B3GALT1: variants seen among roughly 807,000 people sequenced by gnomAD.
B3GALT1 encodes the protein UDP-Gal:betaGlcNAc beta 1,3-galactosyltransferase, polypeptide 1.
B3GALT1 carries 10 observed loss-of-function variants against 23.2 expected under a neutral mutation model. The observed-to-expected ratio is 0.43, with a 90% CI of 0.27 to 0.73. The LOEUF (loss-of-function observed/expected upper bound fraction) is 0.73. Ranked by LOEUF, B3GALT1 falls within the 30% of genes least tolerant of loss-of-function variation. The pLI, the probability that B3GALT1 is intolerant of heterozygous loss-of-function variation, is 0.21. For synonymous variants in B3GALT1, 156 were observed against 141.5 expected, an observed-to-expected ratio of 1.10 and a Z score of -0.73; for missense variants, 299 against 405.4, an observed-to-expected ratio of 0.74 and a Z score of 2.25.
chr2:167,586,184 A>G (rs1684581940), intron 2 of B3GALT1, among the ~76,000 whole-genome samples: 1 of 152,200 alleles, frequency 6.6e-6, no homozygotes, highest in African/African-American at 2.4e-5. Flanking sequence ...AATTTATAAG[A>G]GACTCTTTGT....
rs200791788 is a variant in B3GALT1 at position 167,816,000 on chromosome 2, G to A, written c.-351-2672G>A. ...ATTCTGAAACCAACATTTGAATGTA[G>A]ATGCATTTTATATTCTGGAAAGTTG... On this transcript the variant is annotated intron_variant, in intron 3 of 4. Transcript: ENST00000392690. Among the ~76,000 whole-genome samples the A allele has an allele frequency of 5.9e-5, 9 of 152,268 alleles. No homozygotes were observed. The East Asian group carries it at 1.7e-3, about 29-fold the overall frequency.
intron 3 of B3GALT1, among the ~76,000 whole-genome samples, chr2:167,725,007 G>A (rs534222881): frequency 7.9e-5 from 12 of 152,276 alleles, no homozygotes; most frequent in African/African-American, 2.9e-4. Context: ...ATGACAATGA[G>A]ACTCATTTGT....
At chr2:167,737,869 G>A (rs1049994532) in intron 3 of B3GALT1, among the ~76,000 whole-genome samples, 8 of 152,304 alleles carry the variant, frequency 5.3e-5, no homozygotes, top group Admixed American at 6.5e-5. Flanking sequence ...GGAGTTTCTA[G>A]CATAGGCCAG....
intron 2 of B3GALT1, among the ~76,000 whole-genome samples, chr2:167,557,471 C>T (rs555336251): frequency 3.9e-5 from 6 of 152,154 alleles, no homozygotes; most frequent in Non-Finnish European, 8.8e-5. Flanking sequence ...CTCAAAGTTT[C>T]AGTAGAACTT....
intron 3 of B3GALT1, among the ~76,000 whole-genome samples, chr2:167,793,352 G>A (rs1431737886): frequency 6.6e-6 from 1 of 152,166 alleles, no homozygotes; most frequent in Non-Finnish European, 1.5e-5. Context: ...TCACCCAATT[G>A]CTGACAAAGG....
At chr2:167,334,710 A>G (rs966788698) in intron 1 of B3GALT1, among the ~76,000 whole-genome samples, 1 of 152,210 alleles carries the variant, frequency 6.6e-6, no homozygotes, top group Non-Finnish European at 1.5e-5. Context: ...TTATAAATGT[A>G]TAAGAACTAG....
chr2:167,474,956 A>T (rs1414600670), intron 1 of B3GALT1, among the ~76,000 whole-genome samples: 1 of 152,166 alleles, frequency 6.6e-6, no homozygotes, highest in East Asian at 1.9e-4. Flanking sequence ...ATAAATAAAT[A>T]TACCTGCTAT....
chr2:167,493,771 G>C (rs1264807345), intron 2 of B3GALT1, among the ~76,000 whole-genome samples: 3 of 152,164 alleles, frequency 2.0e-5, no homozygotes, highest in Admixed American at 1.3e-4. Flanking sequence ...TATATGGAAT[G>C]CTGGATTTTC....
At chr2:167,405,976 A>T (rs1698268844) in intron 1 of B3GALT1, among the ~76,000 whole-genome samples, 1 of 152,190 alleles carries the variant, frequency 6.6e-6, no homozygotes, top group Non-Finnish European at 1.5e-5. Flanking sequence ...CCAGAGAGAA[A>T]TATTAGAAAA....
intron 2 of B3GALT1, among the ~76,000 whole-genome samples, chr2:167,575,121 ACTAT>A (rs1157225270): frequency 6.6e-6 from 1 of 151,802 alleles, no homozygotes; most frequent in Admixed American, 6.6e-5. Flanking sequence ...AATGATAGGA[ACTAT>A]CTTATAGCCC....
chr2:167,676,340 A>C (rs766267456), intron 3 of B3GALT1, among the ~76,000 whole-genome samples: 1 of 152,078 alleles, frequency 6.6e-6, no homozygotes, highest in Non-Finnish European at 1.5e-5. Context: ...AAGGTTTCAG[A>C]GAAGCAGAAA....
intron 1 of B3GALT1, among the ~76,000 whole-genome samples, chr2:167,354,868 T>C (rs548615897): frequency 1.6e-4 from 25 of 152,306 alleles, no homozygotes; most frequent in Admixed American, 2.0e-4. Flanking sequence ...TTCTAACATA[T>C]TTTTCATCTT....
intron 2 of B3GALT1, among the ~76,000 whole-genome samples, chr2:167,506,031 G>A (rs892083872): frequency 5.9e-5 from 9 of 152,096 alleles, no homozygotes; most frequent in African/African-American, 2.2e-4. Context: ...CTGCACTCCA[G>A]CCTGGGTGAC....
At chr2:167,555,777 AT>A (rs2105383920) in intron 2 of B3GALT1, among the ~76,000 whole-genome samples, 1 of 152,284 alleles carries the variant, frequency 6.6e-6, no homozygotes, top group South Asian at 2.1e-4. Context: ...TACTTACCAT[AT>A]GGCGTGTTAA....
At chr2:167,402,965 C>A (rs1219736312) in intron 1 of B3GALT1, among the ~76,000 whole-genome samples, 1 of 152,050 alleles carries the variant, frequency 6.6e-6, no homozygotes, top group Admixed American at 6.6e-5. Flanking sequence ...CCCACTCCCC[C>A]ACCCCCGATT....
chr2:167,531,334 C>T (rs1301899618), intron 2 of B3GALT1, among the ~76,000 whole-genome samples: 1 of 152,080 alleles, frequency 6.6e-6, no homozygotes, highest in African/African-American at 2.4e-5. Context: ...AGAAAGGATA[C>T]TGTCAGGAAA....
chr2:167,512,614 A>G (rs1397333504), intron 2 of B3GALT1, among the ~76,000 whole-genome samples: 2 of 91,570 alleles, frequency 2.2e-5, no homozygotes, highest in Non-Finnish European at 3.8e-5. Flanking sequence ...ATATGTATAT[A>G]TATATACGTG....
chr2:167,602,896 G>T (rs1382781833), intron 2 of B3GALT1, among the ~76,000 whole-genome samples: 1 of 152,104 alleles, frequency 6.6e-6, no homozygotes, highest in African/African-American at 2.4e-5. Context: ...GGGCACATGA[G>T]ATCAGCAGCA....
At chr2:167,587,998 T>A (rs2105413086) in intron 2 of B3GALT1, among the ~76,000 whole-genome samples, 1 of 152,222 alleles carries the variant, frequency 6.6e-6, no homozygotes, top group Middle Eastern at 3.4e-3. Context: ...GGAAACTGAG[T>A]GTACTGTTAA....
Sources: gnomAD v4.1 joint callset for allele counts (sites outside exome capture counted in the v4.1 genomes callset) on GRCh38, gnomAD v4.1.1 for gene constraint, MANE v1.5 for transcripts, NCBI Gene and HGNC (gene_info 2026-07-23, HGNC 2026-07-21) for gene names.